The following CASP8 variants were observed in gnomAD, a reference collection of about 807,000 sequenced individuals.
CASP8 encodes caspase 8.
In CASP8, 24 loss-of-function variants were observed where a neutral mutation model predicts 46.3. The ratio of observed to expected loss-of-function variants is 0.52; its 90% CI spans 0.38 to 0.73. CASP8 has a LOEUF of 0.73. Among genes scored for constraint, CASP8 ranks in the 30% least tolerant of loss-of-function variants. The probability of loss-of-function intolerance (pLI) is 0.00; values close to 1 mark genes in which losing one functional copy is unlikely to be tolerated. For synonymous variants in CASP8, 188 were observed against 200.4 expected (o/e 0.94, Z 0.52); for missense variants, 460 against 559.0 (o/e 0.82, Z 1.79).
At chr2:201,258,077 G>T, upstream of CASP8, 4 of 798,618 alleles carry the variant, frequency 5.0e-6, no homozygotes, top group Non-Finnish European at 8.6e-6. Flanking sequence ...TTACCCTGCA[G>T]TTCCTTCTGT....
chr2:201,267,693 C>T (rs1196861118), intron 2 of CASP8, among the ~76,000 whole-genome samples: 2 of 152,218 alleles, frequency 1.3e-5, no homozygotes, highest in South Asian at 2.1e-4. Flanking sequence ...CTCCTATTAT[C>T]GGACACTACT....
intron 2 of CASP8, among the ~76,000 whole-genome samples, chr2:201,267,294 TCCCACCC>T (rs1947889290): frequency 6.6e-6 from 1 of 152,118 alleles, no homozygotes; most frequent in African/African-American, 2.4e-5. Flanking sequence ...CATCATGGCT[TCCCACCC>T]TGAAATCCCC....
At chr2:201,238,503 G>T (rs764800397) in intron 2 of CASP8, among the ~76,000 whole-genome samples, 1 of 151,358 alleles carries the variant, frequency 6.6e-6, no homozygotes, top group Non-Finnish European at 1.5e-5. Context: ...GTGCAGTGGC[G>T]TAATCTTGGC....
intron 1 of CASP8, chr2:201,262,283 T>G (rs1947475919): frequency 6.6e-6 from 1 of 152,100 alleles, no homozygotes; most frequent in Non-Finnish European, 1.5e-5. Context: ...CTTCAGAGGC[T>G]TTTAGTGAAA....
intron 7 of CASP8, chr2:201,277,586 A>G (rs867966236): frequency 4.5e-5 from 13 of 286,352 alleles, no homozygotes; most frequent in Middle Eastern, 1.3e-3. Flanking sequence ...ACTTTTGGAA[A>G]TAGTGTTTAT....
chr2:201,260,526 G>A (rs1014727799), upstream of CASP8: 16 of 985,282 alleles, frequency 1.6e-5, no homozygotes, highest in East Asian at 1.1e-4. Flanking sequence ...GTGCCCTTCC[G>A]TCCTTCATTA....
At chr2:201,254,132 G>A (rs1946912894) in intron 2 of CASP8, among the ~76,000 whole-genome samples, 1 of 151,796 alleles carries the variant, frequency 6.6e-6, no homozygotes, top group African/African-American at 2.4e-5. Context: ...ATGAATATTG[G>A]AATCAGAGTC....
chr2:201,278,700 T>C (rs934269604), intron 7 of CASP8, among the ~76,000 whole-genome samples: 2 of 151,948 alleles, frequency 1.3e-5, no homozygotes, highest in East Asian at 1.9e-4. Flanking sequence ...CCATACCCAG[T>C]TAATTGTATT....
At chr2:201,259,241 C>T (rs957893570), upstream of CASP8, among the ~76,000 whole-genome samples, 7 of 152,164 alleles carry the variant, frequency 4.6e-5, no homozygotes, top group Non-Finnish European at 4.4e-5. Flanking sequence ...GGTGCAATCA[C>T]GGCTCACTGC....
intron 2 of CASP8, among the ~76,000 whole-genome samples, chr2:201,236,347 G>A (rs1415591111): frequency 6.6e-6 from 1 of 152,016 alleles, no homozygotes; most frequent in Admixed American, 6.6e-5. Flanking sequence ...GGATTATTTA[G>A]AGTTGTGTTA....
intron 1 of CASP8, among the ~76,000 whole-genome samples, chr2:201,261,667 G>T (rs1193165568): frequency 1.3e-5 from 2 of 152,182 alleles, no homozygotes; most frequent in East Asian, 3.9e-4. Context: ...GGGGCAGCCC[G>T]CAGTCTGAGG....
At chr2:201,255,460 G>A (rs956114055) in intron 2 of CASP8, among the ~76,000 whole-genome samples, 2 of 152,138 alleles carry the variant, frequency 1.3e-5, no homozygotes, top group Non-Finnish European at 2.9e-5. Context: ...ACAAGTTGAA[G>A]CCCTGAGACT....
chr2:201,241,292 A>G (rs1439544875), intron 2 of CASP8: 1 of 152,180 alleles, frequency 6.6e-6, no homozygotes, highest in Non-Finnish European at 1.5e-5. Flanking sequence ...GAAAAGATAA[A>G]CAAAATCAAC....
At chr2:201,250,216 G>C (rs551098751) in intron 2 of CASP8, among the ~76,000 whole-genome samples, 1 of 152,204 alleles carries the variant, frequency 6.6e-6, no homozygotes. Flanking sequence ...TCTCACCTGA[G>C]GGTCTTATGA....
intron 8 of CASP8, 61 bp downstream of exon 8, chr2:201,285,378 C>T (rs897899806): frequency 9.6e-6 from 15 of 1,567,482 alleles, no homozygotes; most frequent in Non-Finnish European, 1.1e-5. Flanking sequence ...TACTCCATCA[C>T]ACTACTATCT....
intron 2 of CASP8, among the ~76,000 whole-genome samples, chr2:201,253,225 G>C (rs1946863416): frequency 6.8e-6 from 1 of 147,608 alleles, no homozygotes; most frequent in Non-Finnish European, 1.5e-5. Flanking sequence ...CTGAGCTCAA[G>C]TGATCCTCCC....
chr2:201,254,021 C>T (rs185393262), intron 2 of CASP8, among the ~76,000 whole-genome samples: 4 of 149,958 alleles, frequency 2.7e-5, no homozygotes, highest in East Asian at 2.0e-4. Context: ...GCGGAGGTTG[C>T]GGTGAGCCGA....
At chr2:201,245,884 T>TTTTTTTTTG (rs1946493602) in intron 2 of CASP8, among the ~76,000 whole-genome samples, 1 of 149,786 alleles carries the variant, frequency 6.7e-6, no homozygotes, top group African/African-American at 2.5e-5. Context: ...TTTTTTTTTT[T>TTTTTTTTTG]GAGACGGAGT....
chr2:201,272,514 G>T lies in CASP8; in HGVS notation c.412-124G>T. On this transcript the variant is annotated intron_variant, in intron 3 of 8. Transcript: ENST00000673742. This position sits in a 1 kb window ranked among gnomAD's most constrained non-coding sequence, Gnocchi z 4.4. ...TGGCTGTGAGAGACCAGCAGAAACT[G>T]TCAGAAACTTGGGAAGCAAGGGCAG... 1 of 1,067,348 alleles carries T rather than the reference G, an allele frequency of 9.4e-7. No homozygotes were observed. Among genetic ancestry groups the T allele is most frequent in the South Asian group, 1.3e-5 (1 of 74,720 alleles). The allele number at this position is 1,067,348 out of a possible 1,614,324, so 66.1% of individuals were successfully genotyped here.
Sources: gnomAD v4.1 joint callset for allele counts (sites outside exome capture counted in the v4.1 genomes callset) on GRCh38, gnomAD v4.1.1 for gene constraint, Gnocchi (gnomAD v3.1) non-coding constraint, MANE v1.5 for transcripts, NCBI Gene and HGNC (gene_info 2026-07-23, HGNC 2026-07-21) for gene names.